SYT1: variants seen among roughly 807,000 people sequenced by gnomAD.
The protein encoded by SYT1 is synaptotagmin 1.
SYT1 carries 8 observed loss-of-function variants against 44.8 expected under a neutral mutation model. The observed-to-expected ratio is 0.18, with a 90% CI of 0.10 to 0.32. The LOEUF (loss-of-function observed/expected upper bound fraction) is 0.32, where lower values mean the gene tolerates loss of function less well. Ranked by LOEUF, SYT1 falls within the 10% of genes least tolerant of loss-of-function variation. The pLI is 1.00. For missense variants in SYT1, 286 were observed against 509.3 expected (o/e 0.56, Z 4.22); for synonymous variants, 154 against 188.8 (o/e 0.82, Z 1.51).
At chr12:79,131,565 G>T (rs1185371837) in intron 3 of SYT1, among the ~76,000 whole-genome samples, 1 of 152,062 alleles carries the variant, frequency 6.6e-6, no homozygotes, top group Non-Finnish European at 1.5e-5. Flanking sequence ...ATGCTTGATT[G>T]AACTTTAATT....
chr12:79,269,081 T>C (rs1878280059), intron 4 of SYT1, among the ~76,000 whole-genome samples: 1 of 142,408 alleles, frequency 7.0e-6, no homozygotes, highest in Admixed American at 7.1e-5. Context: ...CCTTTTATCT[T>C]GCCCTTCTCT....
intron 4 of SYT1, among the ~76,000 whole-genome samples, chr12:79,274,091 A>G (rs1054400027): frequency 1.3e-5 from 2 of 152,194 alleles, no homozygotes; most frequent in Non-Finnish European, 2.9e-5. Context: ...TGAAAAAATA[A>G]ATAAATAAGA....
intron 1 of SYT1, among the ~76,000 whole-genome samples, chr12:78,945,468 C>CTATATA (rs35939696): frequency 2.7e-5 from 4 of 146,184 alleles, no homozygotes; most frequent in East Asian, 4.0e-4. Flanking sequence ...TTATGTGTGT[C>CTATATA]TATATATATA....
chr12:79,243,796 A>G (rs896486746), intron 4 of SYT1, among the ~76,000 whole-genome samples: 1 of 152,096 alleles, frequency 6.6e-6, no homozygotes, highest in African/African-American at 2.4e-5. Context: ...TAGCATAAAA[A>G]GTAAGGAAGG....
intron 3 of SYT1, among the ~76,000 whole-genome samples, chr12:79,179,902 C>T (rs1343036631): frequency 6.6e-6 from 1 of 151,996 alleles, no homozygotes; most frequent in Admixed American, 6.6e-5. Context: ...TAGAGATACA[C>T]TTTATTCTTT....
At chr12:78,886,781 G>A (rs748857730) in intron 1 of SYT1, among the ~76,000 whole-genome samples, 11 of 151,922 alleles carry the variant, frequency 7.2e-5, no homozygotes, top group African/African-American at 1.7e-4. Context: ...ATGATAGTGC[G>A]TTATTTATTG....
rs556646985 is a variant in SYT1 at position 79,237,221 on chromosome 12, T to G, written c.166+19536T>G. Reference sequence around the variant, plus strand: ...AGAAAAGAGAAAATGAAATATAATTTCAGAGAAGCTGGGTAACCATTCCAG... The same window carrying G: ...AGAAAAGAGAAAATGAAATATAATTGCAGAGAAGCTGGGTAACCATTCCAG... On this transcript the variant is annotated intron_variant, in intron 4 of 10. Transcript: ENST00000261205. Among the ~76,000 whole-genome samples the G allele has an allele frequency of 2.3e-4, 35 of 152,290 alleles. 1 individual carries two copies. The South Asian group carries it at 6.8e-3, about 30-fold the overall frequency.
intron 1 of SYT1, among the ~76,000 whole-genome samples, chr12:78,902,255 C>G (rs760179811): frequency 1.3e-5 from 2 of 151,826 alleles, no homozygotes; most frequent in Non-Finnish European, 2.9e-5. Flanking sequence ...CAATTACACA[C>G]ATAGTGTTGA....
At chr12:79,439,423 A>T (rs1006878229) in intron 9 of SYT1, among the ~76,000 whole-genome samples, 3 of 152,148 alleles carry the variant, frequency 2.0e-5, no homozygotes, top group African/African-American at 7.2e-5. Flanking sequence ...CTTCAAAATG[A>T]ACCAGTTGTT....
chr12:79,306,201 C>T (rs1434770134), intron 8 of SYT1, among the ~76,000 whole-genome samples: 3 of 152,188 alleles, frequency 2.0e-5, no homozygotes, highest in Non-Finnish European at 4.4e-5. Context: ...ATTGGTTGAA[C>T]AAATTAGAAT....
At chr12:78,890,238 T>A (rs1874975822) in intron 1 of SYT1, among the ~76,000 whole-genome samples, 1 of 151,996 alleles carries the variant, frequency 6.6e-6, no homozygotes, top group Admixed American at 6.6e-5. Context: ...TTAACTTTTA[T>A]AAATTGATAG....
chr12:79,012,167 G>C (rs1004503617), intron 2 of SYT1, among the ~76,000 whole-genome samples: 1 of 151,284 alleles, frequency 6.6e-6, no homozygotes, highest in African/African-American at 2.4e-5. Flanking sequence ...AATCATCTGT[G>C]GTGTATTATA....
chr12:79,012,953 T>C (rs925715), intron 2 of SYT1, among the ~76,000 whole-genome samples: 24,317 of 151,888 alleles, frequency 0.16, 2,317 homozygotes, highest in African/African-American at 0.27. Flanking sequence ...TGTGCCATGC[T>C]CCTTTCTACT....
chr12:78,872,300 A>G (rs1592510429), intron 1 of SYT1, among the ~76,000 whole-genome samples: 1 of 151,960 alleles, frequency 6.6e-6, no homozygotes, highest in Middle Eastern at 3.4e-3. Context: ...CCACTCTTAG[A>G]CAACACAGAA....
At chr12:79,427,018 T>C (rs1485152774) in intron 9 of SYT1, among the ~76,000 whole-genome samples, 1 of 152,234 alleles carries the variant, frequency 6.6e-6, no homozygotes, top group African/African-American at 2.4e-5. Flanking sequence ...CCTTCTGCCA[T>C]GATTGTAAGT....
At chr12:79,024,580 C>A (rs906814652) in intron 2 of SYT1, among the ~76,000 whole-genome samples, 1 of 151,852 alleles carries the variant, frequency 6.6e-6, no homozygotes, top group African/African-American at 2.4e-5. Flanking sequence ...ATTCAACAAA[C>A]ACTTACAGAT....
intron 3 of SYT1, among the ~76,000 whole-genome samples, chr12:79,193,801 C>T (rs1873274677): frequency 6.6e-6 from 1 of 152,112 alleles, no homozygotes; most frequent in Non-Finnish European, 1.5e-5. Flanking sequence ...CATTAAATAT[C>T]ATTCTTATAT....
At chr12:79,307,029 T>G (rs1880430149) in intron 8 of SYT1, among the ~76,000 whole-genome samples, 1 of 152,190 alleles carries the variant, frequency 6.6e-6, no homozygotes, top group Admixed American at 6.5e-5. Flanking sequence ...ATCATATGCT[T>G]GGGAGCAATA....
intron 1 of SYT1, among the ~76,000 whole-genome samples, chr12:78,970,826 C>A (rs1868356474): frequency 6.6e-6 from 1 of 151,920 alleles, no homozygotes. Context: ...GGATTAATTA[C>A]CCAATCCTCA....
Sources: gnomAD v4.1 joint callset for allele counts (sites outside exome capture counted in the v4.1 genomes callset) on GRCh38, gnomAD v4.1.1 for gene constraint, MANE v1.5 for transcripts, NCBI Gene and HGNC (gene_info 2026-07-23, HGNC 2026-07-21) for gene names.